The following STIM1 variants were observed in gnomAD, a reference collection of about 807,000 sequenced individuals.
STIM1 encodes stromal interaction molecule 1.
In STIM1, 25 loss-of-function variants were observed where a neutral mutation model predicts 74.7. The observed-to-expected ratio is 0.33, with a 90% CI of 0.24 to 0.47. The LOEUF is 0.47. Ranked by LOEUF, STIM1 falls within the 20% of genes least tolerant of loss-of-function variation. STIM1 has a pLI of 1.00. For missense variants in STIM1, 728 were observed against 920.8 expected, an observed-to-expected ratio of 0.79 and a Z score of 2.71; for synonymous variants, 328 against 348.8, an observed-to-expected ratio of 0.94 and a Z score of 0.66.
intron 1 of STIM1, among the ~76,000 whole-genome samples, chr11:3,895,572 G>T (rs1382930491): frequency 1.3e-5 from 2 of 150,636 alleles, no homozygotes; most frequent in African/African-American, 4.9e-5. Flanking sequence ...AGCTAATTCG[G>T]CTCTGGGTTC....
At chr11:3,896,624 A>G (rs1369796476) in intron 1 of STIM1, among the ~76,000 whole-genome samples, 4 of 152,230 alleles carry the variant, frequency 2.6e-5, no homozygotes, top group African/African-American at 9.6e-5. Flanking sequence ...TATGGCAGAG[A>G]CAATGGTGCA....
intron 2 of STIM1, among the ~76,000 whole-genome samples, chr11:4,002,849 A>G (rs1357731704): frequency 6.9e-6 from 1 of 144,774 alleles, no homozygotes; most frequent in Non-Finnish European, 1.5e-5. Flanking sequence ...AGCAAGACTA[A>G]TAAAGAAAAA....
chr11:3,992,650 T>C (rs1352792861), intron 2 of STIM1, among the ~76,000 whole-genome samples: 1 of 152,220 alleles, frequency 6.6e-6, no homozygotes, highest in East Asian at 1.9e-4. Flanking sequence ...TTTTTGCTGT[T>C]GTTTCTGCTC....
chr11:4,053,680 T>C (rs999911481), intron 3 of STIM1, among the ~76,000 whole-genome samples: 2 of 151,464 alleles, frequency 1.3e-5, no homozygotes, highest in African/African-American at 2.4e-5. Context: ...TGTATAGATA[T>C]GTAAAAAACC....
chr11:3,890,866 C>G (rs973227171), intron 1 of STIM1, among the ~76,000 whole-genome samples: 1 of 152,140 alleles, frequency 6.6e-6, no homozygotes, highest in Non-Finnish European at 1.5e-5. Flanking sequence ...TTTCACCTCT[C>G]CAGGTATTGG....
intron 1 of STIM1, among the ~76,000 whole-genome samples, chr11:3,867,784 C>A (rs141469126): frequency 1.3e-5 from 2 of 152,218 alleles, no homozygotes; most frequent in Non-Finnish European, 2.9e-5. Context: ...GCCATATACA[C>A]AGAGCCCCTG....
chr11:3,969,711 G>T (rs10835403), intron 2 of STIM1, among the ~76,000 whole-genome samples: 37,262 of 152,082 alleles, frequency 0.25, 5,671 homozygotes, highest in South Asian at 0.45. Flanking sequence ...ATAGTGGGTT[G>T]GTTTGGTTAG....
chr11:4,045,843 G>C (rs2094188345), intron 3 of STIM1, among the ~76,000 whole-genome samples: 1 of 138,158 alleles, frequency 7.2e-6, no homozygotes, highest in Non-Finnish European at 1.5e-5. Context: ...TCAGCTCACT[G>C]CAGCCCTCCG....
intron 2 of STIM1, among the ~76,000 whole-genome samples, chr11:4,000,900 T>G (rs1565143440): frequency 6.6e-6 from 1 of 152,136 alleles, no homozygotes; most frequent in Non-Finnish European, 1.5e-5. Flanking sequence ...AAGGAGCTGA[T>G]GGAGCTGAAA....
At chr11:3,957,728 A>G (rs2093233729) in intron 1 of STIM1, among the ~76,000 whole-genome samples, 1 of 151,770 alleles carries the variant, frequency 6.6e-6, no homozygotes, top group African/African-American at 2.4e-5. Flanking sequence ...GCTAATTAAA[A>G]ATTTTTTTTT....
At chr11:4,027,184 C>A (rs1441842038) in intron 3 of STIM1, among the ~76,000 whole-genome samples, 1 of 152,104 alleles carries the variant, frequency 6.6e-6, no homozygotes, top group East Asian at 1.9e-4. Flanking sequence ...CTGCCAAATT[C>A]TTTATTATAC....
At chr11:4,052,277 A>C (rs2094249273) in intron 3 of STIM1, among the ~76,000 whole-genome samples, 1 of 151,944 alleles carries the variant, frequency 6.6e-6, no homozygotes, top group Admixed American at 6.6e-5. Flanking sequence ...ATATGGAACC[A>C]AAAAAGAGCC....
At chr11:3,898,819 T>C (rs1196104978) in intron 1 of STIM1, among the ~76,000 whole-genome samples, 1 of 149,694 alleles carries the variant, frequency 6.7e-6, no homozygotes, top group Non-Finnish European at 1.5e-5. Flanking sequence ...AAAGATCAGA[T>C]AGTTGTAGAT....
chr11:3,954,268 C>T (rs749778590), intron 1 of STIM1, among the ~76,000 whole-genome samples: 5 of 152,136 alleles, frequency 3.3e-5, no homozygotes, highest in African/African-American at 4.8e-5. Context: ...TGCTCATTCT[C>T]CTAGTACTTT....
At chr11:3,911,293 T>C (rs2092558388) in intron 1 of STIM1, among the ~76,000 whole-genome samples, 1 of 152,236 alleles carries the variant, frequency 6.6e-6, no homozygotes. Context: ...AGCTTCTCAA[T>C]CTGGTGTTCC....
At position 4,082,412 on chromosome 11, in the gene STIM1, A is replaced by T. The variant is rs891449372; in HGVS notation, c.1137+61A>T. ...TTTTGCCCTTCTCCTTTTTACCTGCATATCTTCCTCTTCTCTCCCTCTCCC... is the reference window on the plus strand; with the variant it reads ...TTTTGCCCTTCTCCTTTTTACCTGCTTATCTTCCTCTTCTCTCCCTCTCCC... On this transcript the variant is annotated intron_variant, in intron 8 of 12. Coordinates refer to ENST00000526596, the MANE Select transcript of STIM1 (RefSeq NM_001382567.1). 25 of 1,493,704 alleles carry T rather than the reference A, an allele frequency of 1.7e-5. No individual in the cohort carries two copies. In the African/African-American group the frequency reaches 2.8e-4, roughly 17 times the overall value. 92.5% of individuals were successfully genotyped at this position (1,493,704 alleles called of 1,614,324 possible).
intron 2 of STIM1, 120 bp from the exon 3 acceptor site, chr11:4,023,753 C>T: frequency 2.7e-6 from 2 of 728,868 alleles, no homozygotes; most frequent in South Asian, 1.5e-5. Context: ...TGATGTGATA[C>T]ACTTGTATGT....
Position 4,091,945 on chromosome 11 carries a change from C to T in STIM1, c.*147C>T, listed in dbSNP as rs200318988. 1.3e-4 allele frequency: 146 copies of T among 1,082,624 alleles called. 1 individual carries two copies. Among genetic ancestry groups the T allele is most frequent in the Non-Finnish European group, 1.8e-4 (136 of 740,416 alleles). 67.1% of individuals were successfully genotyped at this position (1,082,624 alleles called of 1,614,324 possible). On this transcript the variant is annotated 3_prime_UTR_variant, in exon 13 of 13. Coordinates refer to ENST00000526596, the MANE Select transcript of STIM1 (RefSeq NM_001382567.1). ...GTCTGGGCACTGTACATACCTGCCC[C>T]CTCATCCTTGGGTCCTTCATTATTA...
At chr11:3,905,729 G>A (rs2092454878) in intron 1 of STIM1, among the ~76,000 whole-genome samples, 2 of 152,224 alleles carry the variant, frequency 1.3e-5, no homozygotes. Context: ...GAAACATTCA[G>A]CTAGTTAGTG....
Sources: gnomAD v4.1 joint callset for allele counts (sites outside exome capture counted in the v4.1 genomes callset) on GRCh38, gnomAD v4.1.1 for gene constraint, MANE v1.5 for transcripts, NCBI Gene and HGNC (gene_info 2026-07-23, HGNC 2026-07-21) for gene names.